Variants in LSAMP observed in about 807,000 individuals in gnomAD.
LSAMP encodes the protein limbic system associated membrane protein.
LSAMP carries 7 observed loss-of-function variants against 38.6 expected under a neutral mutation model. That is an observed-to-expected ratio of 0.18 (90% CI 0.10 to 0.34). The LOEUF (loss-of-function observed/expected upper bound fraction) is 0.34, where lower values mean the gene tolerates loss of function less well. Among genes scored for constraint, LSAMP ranks in the 10% least tolerant of loss-of-function variants. LSAMP has a pLI of 1.00. For synonymous variants in LSAMP, 154 were observed against 166.8 expected (o/e 0.92, Z 0.59); for missense variants, 313 against 420.0 (o/e 0.75, Z 2.23).
intron 1 of LSAMP, among the ~76,000 whole-genome samples, chr3:116,261,713 C>T (rs976296173): frequency 2.0e-5 from 3 of 152,050 alleles, no homozygotes; most frequent in African/African-American, 7.2e-5. Flanking sequence ...AGCAGATTCA[C>T]AAAATGTGGC....
intron 1 of LSAMP, among the ~76,000 whole-genome samples, chr3:116,211,449 C>T (rs2046154991): frequency 6.6e-6 from 1 of 152,098 alleles, no homozygotes. Flanking sequence ...ATGTTGTTCA[C>T]CGTTAATATA....
chr3:115,844,760 T>G (rs74403443), intron 4 of LSAMP, among the ~76,000 whole-genome samples: 4,116 of 152,176 alleles, frequency 0.027, 178 homozygotes, highest in African/African-American at 0.093. Flanking sequence ...GTGGATCACT[T>G]GAGGTCAGGA....
intron 1 of LSAMP, among the ~76,000 whole-genome samples, chr3:116,430,701 T>C (rs967868020): frequency 2.0e-5 from 3 of 152,022 alleles, no homozygotes; most frequent in Non-Finnish European, 2.9e-5. Context: ...ATTTTTATTT[T>C]ATAAAGAACC....
At chr3:115,985,708 C>G (rs1265051236) in intron 3 of LSAMP, among the ~76,000 whole-genome samples, 1 of 152,164 alleles carries the variant, frequency 6.6e-6, no homozygotes. Flanking sequence ...TATGAGAAGC[C>G]CTGGGGCTTT....
intron 1 of LSAMP, among the ~76,000 whole-genome samples, chr3:116,356,029 A>C (rs1207387396): frequency 6.6e-6 from 1 of 152,198 alleles, no homozygotes; most frequent in Non-Finnish European, 1.5e-5. Flanking sequence ...GGTTCCTCAA[A>C]AAACTAAAAA....
At chr3:116,228,396 G>C (rs931797128) in intron 1 of LSAMP, among the ~76,000 whole-genome samples, 1 of 152,032 alleles carries the variant, frequency 6.6e-6, no homozygotes, top group Non-Finnish European at 1.5e-5. Context: ...ACTTAGGTTT[G>C]AGTTCAGGTT....
At chr3:116,160,543 G>GAAAA (rs1279493072) in intron 1 of LSAMP, among the ~76,000 whole-genome samples, 1 of 151,822 alleles carries the variant, frequency 6.6e-6, no homozygotes, top group East Asian at 1.9e-4. Flanking sequence ...GAAAAGAAAA[G>GAAAA]AAAAGACTGC....
intron 3 of LSAMP, among the ~76,000 whole-genome samples, chr3:115,955,101 A>AT (rs906688885): frequency 2.0e-5 from 3 of 151,820 alleles, no homozygotes; most frequent in Admixed American, 6.6e-5. Context: ...AGCCAGGCTA[A>AT]TTTTTTGTAT....
At chr3:116,282,117 G>A (rs914207190) in intron 1 of LSAMP, among the ~76,000 whole-genome samples, 8 of 152,070 alleles carry the variant, frequency 5.3e-5, no homozygotes, top group South Asian at 2.1e-4. Context: ...TTCCATGCTC[G>A]GAAAACAGAC....
At chr3:116,341,930 G>A (rs1488051667) in intron 1 of LSAMP, among the ~76,000 whole-genome samples, 1 of 152,004 alleles carries the variant, frequency 6.6e-6, no homozygotes, top group Non-Finnish European at 1.5e-5. Flanking sequence ...GGCTGGATAA[G>A]CAATGACTAA....
intron 1 of LSAMP, among the ~76,000 whole-genome samples, chr3:116,375,844 A>T (rs1039717169): frequency 1.3e-5 from 2 of 151,986 alleles, no homozygotes; most frequent in Non-Finnish European, 2.9e-5. Flanking sequence ...ATCCATACAT[A>T]CTTTCCATGC....
intron 2 of LSAMP, among the ~76,000 whole-genome samples, chr3:116,058,243 C>T (rs1173802464): frequency 6.6e-6 from 1 of 152,010 alleles, no homozygotes; most frequent in Non-Finnish European, 1.5e-5. Context: ...CCTCAGTTTC[C>T]TCCTTTGTAA....
At chr3:115,919,267 T>C (rs1251293578) in intron 3 of LSAMP, among the ~76,000 whole-genome samples, 1 of 152,200 alleles carries the variant, frequency 6.6e-6, no homozygotes, top group Non-Finnish European at 1.5e-5. Context: ...TTTTTGGCCC[T>C]AAGGGCAAAA....
chr3:115,842,120 C>A, intron 5 of LSAMP, 127 bp from the exon 6 acceptor site: 1 of 942,046 alleles, frequency 1.1e-6, no homozygotes, highest in South Asian at 1.7e-5. Context: ...TTGTTCCATG[C>A]CCAATTCCTA....
chr3:116,084,680 C>T (rs1021416582), intron 2 of LSAMP, among the ~76,000 whole-genome samples: 2 of 151,754 alleles, frequency 1.3e-5, no homozygotes, highest in Admixed American at 6.6e-5. Flanking sequence ...TTTCTAGTTA[C>T]GGTCTCTAGT....
At chr3:115,857,844 C>A (rs957223140) in intron 3 of LSAMP, among the ~76,000 whole-genome samples, 1 of 152,162 alleles carries the variant, frequency 6.6e-6, no homozygotes, top group African/African-American at 2.4e-5. Flanking sequence ...GGGCCTAGAG[C>A]TAATGGCAAG....
intron 3 of LSAMP, among the ~76,000 whole-genome samples, chr3:115,892,373 C>T (rs1936620715): frequency 6.6e-6 from 1 of 151,994 alleles, no homozygotes; most frequent in Non-Finnish European, 1.5e-5. Flanking sequence ...GTAGAATAGA[C>T]TCTAAACATT....
At chr3:116,326,515 G>A (rs1349225978) in intron 1 of LSAMP, among the ~76,000 whole-genome samples, 1 of 152,048 alleles carries the variant, frequency 6.6e-6, no homozygotes, top group Non-Finnish European at 1.5e-5. Flanking sequence ...TGGGAAACAG[G>A]TGGGTCAGGG....
At chr3:116,302,899 T>C (rs2107707940) in intron 1 of LSAMP, among the ~76,000 whole-genome samples, 1 of 152,308 alleles carries the variant, frequency 6.6e-6, no homozygotes, top group East Asian at 1.9e-4. Context: ...GACTAGCCTG[T>C]AAGTTAGTCA....
Sources: gnomAD v4.1 joint callset for allele counts (sites outside exome capture counted in the v4.1 genomes callset) on GRCh38, gnomAD v4.1.1 for gene constraint, MANE v1.5 for transcripts, NCBI Gene and HGNC (gene_info 2026-07-23, HGNC 2026-07-21) for gene names.